The following NRCAM variants were observed in gnomAD, a reference collection of about 807,000 sequenced individuals.
NRCAM encodes the protein NgCAM-related cell adhesion molecule.
A neutral mutation model predicts 156.5 loss-of-function variants in NRCAM; 83 were observed. That is an observed-to-expected ratio of 0.53 (90% CI 0.44 to 0.64). NRCAM has a LOEUF of 0.64. Ranked by LOEUF, NRCAM falls within the 30% of genes least tolerant of loss-of-function variation. The pLI, the probability that NRCAM is intolerant of heterozygous loss-of-function variation, is 0.00. For missense variants in NRCAM, 1,417 were observed against 1,597.3 expected (o/e 0.89, Z 1.92); for synonymous variants, 538 against 563.9 (o/e 0.95, Z 0.65).
At chr7:108,325,620 T>C (rs1295155331) in intron 2 of NRCAM, among the ~76,000 whole-genome samples, 1 of 152,120 alleles carries the variant, frequency 6.6e-6, no homozygotes, top group African/African-American at 2.4e-5. Context: ...CTGCTTTATT[T>C]TTTGCCTTAA....
At chr7:108,259,549 T>C (rs1417883353) in intron 3 of NRCAM, among the ~76,000 whole-genome samples, 1 of 152,222 alleles carries the variant, frequency 6.6e-6, no homozygotes, top group Non-Finnish European at 1.5e-5. Flanking sequence ...CATGTGTATG[T>C]TTGTTGCAGC....
intron 3 of NRCAM, among the ~76,000 whole-genome samples, chr7:108,294,191 TG>T (rs752344179): frequency 1.5e-5 from 2 of 134,634 alleles, no homozygotes; most frequent in Non-Finnish European, 1.6e-5. Context: ...CTTTCTTTAC[TG>T]GTTTTTTTTT....
chr7:108,240,068 C>G lies in NRCAM; in HGVS notation c.-4G>C. The G allele has an allele frequency of 6.2e-7, 1 of 1,602,370 alleles. No individual in the cohort carries two copies. Among genetic ancestry groups the G allele is most frequent in the Middle Eastern group, 1.7e-4 (1 of 6,008 alleles). Reference sequence around the variant, plus strand: ...TCGGCATTATTTTAAGCTGCATTAGCTTAACTCCTGCTGAGACTCACACAC... The same window carrying G: ...TCGGCATTATTTTAAGCTGCATTAGGTTAACTCCTGCTGAGACTCACACAC... On this transcript the variant is annotated 5_prime_UTR_variant, in exon 4 of 33. Transcript: ENST00000379028.
intron 2 of NRCAM, among the ~76,000 whole-genome samples, chr7:108,317,645 C>T (rs895334718): frequency 6.6e-6 from 1 of 152,122 alleles, no homozygotes. Context: ...TATGGTGGCT[C>T]ACGCCTGTAA....
At chr7:108,246,167 C>T (rs1365941734) in intron 3 of NRCAM, among the ~76,000 whole-genome samples, 3 of 152,188 alleles carry the variant, frequency 2.0e-5, no homozygotes, top group Admixed American at 2.0e-4. Context: ...TTTATCCCAC[C>T]TTCCAATCCA....
chr7:108,310,166 G>C (rs1414127201), intron 3 of NRCAM, among the ~76,000 whole-genome samples: 1 of 152,172 alleles, frequency 6.6e-6, no homozygotes. Context: ...TGCCAAATGG[G>C]AACATGCTTT....
intron 2 of NRCAM, among the ~76,000 whole-genome samples, chr7:108,323,159 C>T (rs7784390): frequency 0.27 from 40,504 of 152,052 alleles, 5,617 homozygotes; most frequent in Admixed American, 0.3. Context: ...TACAAGCGCC[C>T]TCTGACCTTG....
At chr7:108,249,102 G>A (rs1391725506) in intron 3 of NRCAM, among the ~76,000 whole-genome samples, 1 of 152,052 alleles carries the variant, frequency 6.6e-6, no homozygotes, top group Non-Finnish European at 1.5e-5. Context: ...TGTGTGTTGG[G>A]GAGGCAAAAG....
At chr7:108,418,904 A>C (rs2154431449) in intron 1 of NRCAM, among the ~76,000 whole-genome samples, 1 of 152,308 alleles carries the variant, frequency 6.6e-6, no homozygotes, top group East Asian at 1.9e-4. Context: ...GGGGAAAAAA[A>C]TCTGCTCAAA....
chr7:108,431,004 T>C (rs1563776260), intron 1 of NRCAM, among the ~76,000 whole-genome samples: 1 of 152,320 alleles, frequency 6.6e-6, no homozygotes, highest in East Asian at 1.9e-4. Flanking sequence ...GTGTATTAAT[T>C]AGGATAAGTC....
intron 2 of NRCAM, 135 bp downstream of exon 2, chr7:108,399,301 G>C (rs988418261): frequency 1.3e-5 from 2 of 152,094 alleles, no homozygotes; most frequent in Non-Finnish European, 2.9e-5. Context: ...TCCCAAAAAA[G>C]AGAAACTATC....
At chr7:108,169,564 C>T (rs2057181277) in intron 28 of NRCAM, among the ~76,000 whole-genome samples, 1 of 152,070 alleles carries the variant, frequency 6.6e-6, no homozygotes, top group African/African-American at 2.4e-5. Flanking sequence ...TTAAATAATG[C>T]TTTTGACTTC....
At chr7:108,393,901 C>T (rs192239367) in intron 2 of NRCAM, among the ~76,000 whole-genome samples, 60 of 152,310 alleles carry the variant, frequency 3.9e-4, no homozygotes, top group Middle Eastern at 3.4e-3. Flanking sequence ...TCAGGTTTCT[C>T]TGGAACCAGG....
chr7:108,402,497 C>T (rs1038573034), intron 1 of NRCAM, among the ~76,000 whole-genome samples: 2 of 152,104 alleles, frequency 1.3e-5, no homozygotes, highest in Admixed American at 6.5e-5. Flanking sequence ...TGGGAAGAAA[C>T]AGAAGAGTGG....
At chr7:108,373,535 C>T (rs2099642678) in intron 2 of NRCAM, among the ~76,000 whole-genome samples, 1 of 152,168 alleles carries the variant, frequency 6.6e-6, no homozygotes, top group Non-Finnish European at 1.5e-5. Context: ...GCTCCCCCTA[C>T]AATGGGCTAA....
chr7:108,178,206 T>C (rs1047979262), intron 25 of NRCAM, 94 bp from the exon 26 acceptor site: 1 of 1,357,618 alleles, frequency 7.4e-7, no homozygotes, highest in African/African-American at 1.5e-5. Context: ...ATTCAAGGTT[T>C]TGAGTTTCAG....
At chr7:108,258,257 A>G (rs2096759253) in intron 3 of NRCAM, among the ~76,000 whole-genome samples, 1 of 152,192 alleles carries the variant, frequency 6.6e-6, no homozygotes, top group South Asian at 2.1e-4. Context: ...CCCTCTGACC[A>G]CAACAGCCTT....
chr7:108,289,874 C>T (rs1020325177), intron 3 of NRCAM, among the ~76,000 whole-genome samples: 17 of 152,104 alleles, frequency 1.1e-4, no homozygotes, highest in African/African-American at 3.6e-4. Context: ...GGACTAGAAT[C>T]TGTATTGCAG....
chr7:108,388,627 G>C (rs1333686655), intron 2 of NRCAM, among the ~76,000 whole-genome samples: 1 of 152,038 alleles, frequency 6.6e-6, no homozygotes, highest in South Asian at 2.1e-4. Context: ...GACTTGAAGT[G>C]CTTGCCCATG....
Sources: gnomAD v4.1 joint callset for allele counts (sites outside exome capture counted in the v4.1 genomes callset) on GRCh38, gnomAD v4.1.1 for gene constraint, MANE v1.5 for transcripts, NCBI Gene and HGNC (gene_info 2026-07-23, HGNC 2026-07-21) for gene names.